Variants in VPS53 observed in about 807,000 individuals in gnomAD.
VPS53 encodes the protein VPS53 subunit of GARP complex, also known as vacuolar protein sorting-associated protein 53 homolog.
VPS53 carries 70 observed loss-of-function variants against 107.0 expected under a neutral mutation model. The observed-to-expected ratio is 0.65, with a 90% confidence interval of 0.54 to 0.80. VPS53 has a LOEUF of 0.80. Ranked by LOEUF, VPS53 falls within the 30% of genes least tolerant of loss-of-function variation. VPS53 has a pLI of 0.00. For missense variants in VPS53, 917 were observed against 1,049.4 expected (o/e 0.87, Z 1.74); for synonymous variants, 409 against 393.3 (o/e 1.04, Z -0.47).
chr17:552,055 A>G (rs184204586), intron 16 of VPS53, 105 bp from the exon 17 acceptor site: 2 of 1,100,116 alleles, frequency 1.8e-6, no homozygotes, highest in Admixed American at 2.4e-5. Context: ...TTTCACTGGC[A>G]AAGTTTGAGC....
chr17:579,250 T>G (rs1373902345), intron 13 of VPS53, among the ~76,000 whole-genome samples: 2 of 145,622 alleles, frequency 1.4e-5, no homozygotes, highest in Non-Finnish European at 3.0e-5. Flanking sequence ...CCAGAGAACC[T>G]CCCTCAGAAC....
At chr17:573,009 A>T (rs12939432) in intron 13 of VPS53, among the ~76,000 whole-genome samples, 22,230 of 151,940 alleles carry the variant, frequency 0.15, 1,972 homozygotes, top group South Asian at 0.24. Context: ...TGTGAGAAAC[A>T]CCCAAGAATG....
chr17:658,192 G>A (rs1971279046), intron 5 of VPS53, among the ~76,000 whole-genome samples: 1 of 147,890 alleles, frequency 6.8e-6, no homozygotes, highest in Non-Finnish European at 1.5e-5. Flanking sequence ...AAACTCAGCA[G>A]GGAGTTCGTG....
intron 11 of VPS53, among the ~76,000 whole-genome samples, chr17:622,626 CT>C (rs1485052548): frequency 6.6e-6 from 1 of 152,186 alleles, no homozygotes; most frequent in African/African-American, 2.4e-5. Context: ...AACAGAGTCA[CT>C]TGGTTTCCCA....
intron 7 of VPS53, among the ~76,000 whole-genome samples, chr17:637,984 T>A (rs536758897): frequency 2.9e-4 from 44 of 152,234 alleles, no homozygotes; most frequent in Admixed American, 5.2e-4. Flanking sequence ...TAACTTTCTG[T>A]CTCATTGATC....
At chr17:558,658 C>T (rs1345757786) in intron 15 of VPS53, among the ~76,000 whole-genome samples, 1 of 149,612 alleles carries the variant, frequency 6.7e-6, no homozygotes, top group Non-Finnish European at 1.5e-5. Flanking sequence ...ATTTGAAGCA[C>T]TATAAACAAC....
chr17:525,504 C>T (rs1909062420), intron 19 of VPS53, among the ~76,000 whole-genome samples: 1 of 151,942 alleles, frequency 6.6e-6, no homozygotes, highest in Admixed American at 6.5e-5. Context: ...CCCTGGGCAA[C>T]ACAGTGAGAC....
intron 4 of VPS53, among the ~76,000 whole-genome samples, chr17:696,021 AAAG>A: frequency 6.6e-6 from 1 of 152,330 alleles, no homozygotes; most frequent in East Asian, 1.9e-4. Context: ...CTCATCTGCC[AAAG>A]AAGCCATGCT....
chr17:555,919 C>T (rs1484463411), intron 15 of VPS53, among the ~76,000 whole-genome samples: 1 of 152,152 alleles, frequency 6.6e-6, no homozygotes, highest in Non-Finnish European at 1.5e-5. Context: ...GGGCAAACAA[C>T]ACAGTTTCTT....
At chr17:532,409 GC>G (rs777608885) in intron 19 of VPS53, 1 of 159,118 alleles carries the variant, frequency 6.3e-6, no homozygotes. Context: ...CCAGTAGCCT[GC>G]CCCCATGCCC....
chr17:520,418 A>G lies in VPS53; in HGVS notation c.2224-488T>C, dbSNP rs1480962131. Among the ~76,000 whole-genome samples the G allele has an allele frequency of 6.6e-6, 1 of 152,158 alleles. No individual in the cohort carries two copies. Among genetic ancestry groups the G allele is most frequent in the African/African-American group, 2.4e-5 (1 of 41,428 alleles). ...ATGATTCCTGAGAAATGGGTGGCAA[A>G]AGGAGCTGGTATAAGTAAGTGGATT... On this transcript the variant is annotated intron_variant, in intron 20 of 21. Coordinates refer to ENST00000437048, the MANE Select transcript of VPS53 (RefSeq NM_001128159.3). The surrounding 1 kb of genome is among the most constrained non-coding windows in gnomAD (Gnocchi z 4.4).
chr17:625,464 C>A (rs1360243758), intron 10 of VPS53, among the ~76,000 whole-genome samples: 2 of 138,838 alleles, frequency 1.4e-5, no homozygotes, highest in African/African-American at 2.6e-5. Flanking sequence ...CACTGCGAGA[C>A]CCCCATCTCT....
intron 4 of VPS53, among the ~76,000 whole-genome samples, chr17:694,747 G>C (rs1224336744): frequency 3.3e-5 from 5 of 152,184 alleles, no homozygotes; most frequent in Admixed American, 1.3e-4. Context: ...ATTCAATACA[G>C]TTGCATAAAA....
At chr17:535,469 C>T (rs1329117003) in intron 18 of VPS53, among the ~76,000 whole-genome samples, 3 of 151,750 alleles carry the variant, frequency 2.0e-5, no homozygotes, top group African/African-American at 7.3e-5. Flanking sequence ...GACGCCGGGA[C>T]TGGCTAAGTC....
At chr17:571,247 G>C (rs1914020436) in intron 13 of VPS53, among the ~76,000 whole-genome samples, 1 of 146,528 alleles carries the variant, frequency 6.8e-6, no homozygotes. Context: ...GGAAGGGAGG[G>C]GAGGGGTGGG....
chr17:645,588 G>C (rs1485692169), intron 7 of VPS53, among the ~76,000 whole-genome samples: 1 of 152,218 alleles, frequency 6.6e-6, no homozygotes, highest in African/African-American at 2.4e-5. Flanking sequence ...GCCAAATACA[G>C]TGGTGTGAAG....
In VPS53 at chr17:516,253, A is replaced by G. The variant is rs1303450313; in HGVS notation, c.*2875T>C. The G allele has an allele frequency of 1.3e-5, 2 of 152,074 alleles. No homozygotes were observed. Among genetic ancestry groups the G allele is most frequent in the African/African-American group, 4.8e-5 (2 of 41,400 alleles). The allele number at this position is 152,074 out of a possible 1,614,324, so 9.4% of individuals were successfully genotyped here. ...TGGCAGGAGCCCTTCCATAAAGCAA[A>G]TCTCTCTGTTGCAGTGGTTCTTAAC... On this transcript the variant is annotated 3_prime_UTR_variant, in exon 22 of 22. Coordinates refer to ENST00000437048, the MANE Select transcript of VPS53 (RefSeq NM_001128159.3).
At chr17:594,409 C>T (rs1456231227) in intron 12 of VPS53, among the ~76,000 whole-genome samples, 4 of 152,204 alleles carry the variant, frequency 2.6e-5, no homozygotes, top group South Asian at 2.1e-4. Flanking sequence ...CCTGCCTCAG[C>T]GAAATAGGGG....
At chr17:585,441 G>A (rs1043540547) in intron 13 of VPS53, among the ~76,000 whole-genome samples, 1 of 152,208 alleles carries the variant, frequency 6.6e-6, no homozygotes, top group African/African-American at 2.4e-5. Flanking sequence ...TGGATCATTT[G>A]AGCCCAGGAG....
Sources: gnomAD v4.1 joint callset for allele counts (sites outside exome capture counted in the v4.1 genomes callset) on GRCh38, gnomAD v4.1.1 for gene constraint, Gnocchi (gnomAD v3.1) non-coding constraint, MANE v1.5 for transcripts, NCBI Gene and HGNC (gene_info 2026-07-23, HGNC 2026-07-21) for gene names.